PCLO: variants seen among roughly 807,000 people sequenced by gnomAD.
PCLO encodes protein piccolo.
A neutral mutation model predicts 427.5 loss-of-function variants in PCLO; 82 were observed. The ratio of observed to expected loss-of-function variants is 0.19; its 90% CI spans 0.16 to 0.23. The LOEUF is 0.23. PCLO is among the 10% of genes least tolerant of loss of function. PCLO has a pLI of 1.00. For missense variants in PCLO, 6,239 were observed against 6,115.9 expected, an observed-to-expected ratio of 1.02 and a Z score of -0.67; for synonymous variants, 2,357 against 2,155.4, an observed-to-expected ratio of 1.09 and a Z score of -2.59.
At chr7:83,015,639 AT>A (rs1198223175) in intron 3 of PCLO, among the ~76,000 whole-genome samples, 2 of 152,158 alleles carry the variant, frequency 1.3e-5, no homozygotes, top group African/African-American at 2.4e-5. Flanking sequence ...ACAACTTTTT[AT>A]TGTGAAAACA....
intron 22 of PCLO, among the ~76,000 whole-genome samples, chr7:82,779,269 A>ATTTT (rs560018037): frequency 1.3e-5 from 2 of 151,812 alleles, no homozygotes; most frequent in African/African-American, 4.8e-5. Flanking sequence ...TTTTGCCTTG[A>ATTTT]TTTTTTCTCT....
Position 82,760,780 on chromosome 7 carries a change from T to C in PCLO, c.15147A>G (p.Leu5049=), listed in dbSNP as rs1425342842. 1.4e-6 allele frequency: 2 copies of C among 1,434,170 alleles called. No homozygotes were observed. The highest frequency in any genetic ancestry group is 9.6e-7 in the Non-Finnish European group (1 of 1,040,036). 88.8% of individuals were successfully genotyped at this position (1,434,170 alleles called of 1,614,324 possible). The change falls in exon 24 of 25, where the codon TTA becomes TTG. Residue 5049 remains leucine, a synonymous_variant. Transcript: ENST00000333891. ...TATTCATCACATATATTTTCACATATAAATCTGAAAATAAGAATTCAGCCC... is the reference window on the plus strand; with the variant it reads ...TATTCATCACATATATTTTCACATACAAATCTGAAAATAAGAATTCAGCCC... The part of the protein sequence containing the change: ...KFKSPDHLPD[L]YVKIYVMNIS...
intron 3 of PCLO, among the ~76,000 whole-genome samples, chr7:83,045,466 C>A (rs978643224): frequency 6.6e-6 from 1 of 152,092 alleles, no homozygotes; most frequent in Non-Finnish European, 1.5e-5. Context: ...CCTTCTGGAA[C>A]ACATATTACT....
intron 24 of PCLO, among the ~76,000 whole-genome samples, chr7:82,759,058 A>T (rs6973724): frequency 0.42 from 63,405 of 151,680 alleles, 13,707 homozygotes; most frequent in East Asian, 0.58. Context: ...TTGCCAAATA[A>T]TTTTTTACTA....
At position 82,955,275 on chromosome 7, in the gene PCLO, T is replaced by C. The variant is rs1469347904; in HGVS notation, c.5678A>G (p.Tyr1893Cys). The change falls in exon 5 of 25, where the codon TAC becomes TGC. Residue 1893 changes from tyrosine (Y) to cysteine (C), a missense_variant. Around this residue, in one of 5 missense-constraint regions of PCLO, gnomAD observed 4,677 missense variants for 4,468.4 expected, o/e 1.05. Transcript: ENST00000333891. ...AATAGATTGCTCATCTGTTGGTGAG[T>C]ATAATGAAACAGCTGTGGGCAATTT... ...VYKLPTAVSL[Y>C]SPTDEQSIMQ... 4 of 1,613,590 alleles carry C rather than the reference T, an allele frequency of 2.5e-6. No individual in the cohort carries two copies. The highest frequency in any genetic ancestry group is 3.4e-6 in the Non-Finnish European group (4 of 1,179,768).
chr7:82,994,648 T>C (rs1796454096), intron 3 of PCLO, among the ~76,000 whole-genome samples: 1 of 151,606 alleles, frequency 6.6e-6, no homozygotes, highest in African/African-American at 2.4e-5. Flanking sequence ...GTATATGAGA[T>C]GTGTTGATAC....
chr7:82,908,009 T>A (rs1794232331), intron 8 of PCLO, among the ~76,000 whole-genome samples: 1 of 152,064 alleles, frequency 6.6e-6, no homozygotes, highest in Non-Finnish European at 1.5e-5. Context: ...TTGTTTTCTA[T>A]TTCAATTAAT....
intron 22 of PCLO, among the ~76,000 whole-genome samples, chr7:82,764,747 C>A (rs1229543112): frequency 6.6e-6 from 1 of 151,682 alleles, no homozygotes; most frequent in African/African-American, 2.4e-5. Flanking sequence ...AATGAAGACA[C>A]AACAGTTATC....
chr7:83,007,834 T>C (rs370946402), intron 3 of PCLO, among the ~76,000 whole-genome samples: 7 of 151,560 alleles, frequency 4.6e-5, no homozygotes, highest in African/African-American at 1.5e-4. Flanking sequence ...TTCAGAGAGT[T>C]GTTATTAGGA....
chr7:82,841,586 A>C (rs1376657233), intron 13 of PCLO, 77 bp from the exon 14 acceptor site: 1 of 924,866 alleles, frequency 1.1e-6, no homozygotes, highest in Non-Finnish European at 1.7e-6. Flanking sequence ...TCCTTCTGAA[A>C]TTAGTTTCTA....
At chr7:83,092,545 T>C (rs540723037) in intron 3 of PCLO, among the ~76,000 whole-genome samples, 3 of 152,078 alleles carry the variant, frequency 2.0e-5, no homozygotes, top group Non-Finnish European at 4.4e-5. Flanking sequence ...CTAGGTCACC[T>C]CTCAGATCTT....
intron 3 of PCLO, among the ~76,000 whole-genome samples, chr7:83,133,239 T>C: frequency 6.6e-6 from 1 of 152,012 alleles, no homozygotes; most frequent in East Asian, 1.9e-4. Context: ...TGCTAAAATC[T>C]ATTCAATTTT....
At chr7:82,897,526 T>C (rs534416219) in intron 9 of PCLO, among the ~76,000 whole-genome samples, 3 of 151,518 alleles carry the variant, frequency 2.0e-5, no homozygotes, top group Non-Finnish European at 4.4e-5. Flanking sequence ...AATGAATTTA[T>C]AAATTCCTTG....
At chr7:82,822,995 AGAG>A (rs1791833204) in intron 19 of PCLO, among the ~76,000 whole-genome samples, 1 of 152,200 alleles carries the variant, frequency 6.6e-6, no homozygotes. Context: ...TAATTCCAGC[AGAG>A]GTCAGGTAGG....
intron 9 of PCLO, chr7:82,879,759 A>G: frequency 2.3e-6 from 1 of 434,684 alleles, no homozygotes; most frequent in Non-Finnish European, 4.3e-6. Context: ...GGTATTTTGT[A>G]AAAATTTTAT....
intron 3 of PCLO, among the ~76,000 whole-genome samples, chr7:83,010,516 A>G (rs545856454): frequency 6.6e-6 from 1 of 151,574 alleles, no homozygotes; most frequent in South Asian, 2.1e-4. Context: ...CCAGCCTCCT[A>G]AATATTGATT....
At chr7:82,926,844 G>T (rs534579157) in intron 6 of PCLO, among the ~76,000 whole-genome samples, 1 of 152,112 alleles carries the variant, frequency 6.6e-6, no homozygotes, top group African/African-American at 2.4e-5. Flanking sequence ...TTTTTAAGGT[G>T]AGCATTTTTT....
chr7:83,108,781 GAA>G (rs201336657), intron 3 of PCLO, among the ~76,000 whole-genome samples: 1 of 107,564 alleles, frequency 9.3e-6, no homozygotes, highest in East Asian at 3.2e-4. Context: ...ATCAATTAAT[GAA>G]AGAGATTATA....
At chr7:83,147,347 T>C (rs1199173390) in intron 2 of PCLO, among the ~76,000 whole-genome samples, 2 of 152,188 alleles carry the variant, frequency 1.3e-5, no homozygotes, top group African/African-American at 4.8e-5. Context: ...TTTGTTATAA[T>C]TAGGATATTC....
Sources: allele counts gnomAD v4.1 joint callset (sites outside exome capture counted in the v4.1 genomes callset), GRCh38; gene constraint gnomAD v4.1.1; regional missense constraint gnomAD v4.1.1; transcripts MANE v1.5; gene names NCBI Gene and HGNC (gene_info 2026-07-23, HGNC 2026-07-21).